CCDC186: variants seen among roughly 807,000 people sequenced by gnomAD.
CCDC186 encodes the protein coiled-coil domain containing 186.
In CCDC186, 49 loss-of-function variants were observed where a neutral mutation model predicts 113.7. The ratio of observed to expected loss-of-function variants is 0.43; its 90% CI spans 0.34 to 0.55. The LOEUF (loss-of-function observed/expected upper bound fraction) is 0.55, where lower values mean the gene tolerates loss of function less well. Ranked by LOEUF, CCDC186 falls within the 20% of genes least tolerant of loss-of-function variation. The probability of loss-of-function intolerance (pLI) is 0.02; values close to 1 mark genes in which losing one functional copy is unlikely to be tolerated. For missense variants in CCDC186, 890 were observed against 1,011.1 expected (o/e 0.88, Z 1.62); for synonymous variants, 355 against 345.8 (o/e 1.03, Z -0.30).
At chr10:114,136,557 A>C (rs189251873) in intron 7 of CCDC186, among the ~76,000 whole-genome samples, 50 of 152,324 alleles carry the variant, frequency 3.3e-4, no homozygotes, top group African/African-American at 1.1e-3. Flanking sequence ...CATTGCAATT[A>C]AGTTTATTAA....
rs1172829537 is a variant in CCDC186, at chr10:114,157,562, T to C, written c.751A>G (p.Ile251Val). The change falls in exon 3 of 16, where the codon ATT becomes GTT. Residue 251 changes from isoleucine (I) to valine (V), a missense_variant. Transcript: ENST00000369287. ...TETEKQHMNTIKQLESRIEEL... is the reference protein window; with the variant it reads ...TETEKQHMNTVKQLESRIEEL... ...ATTTTTGTCTTTTTTACCTGTTTAA[T>C]TGTGTTCATATGCTGCTTCTCAGTT... is the stretch of plus-strand genomic sequence containing the variant. The C allele has an allele frequency of 6.2e-7, 1 of 1,601,690 alleles. No homozygotes were observed. Among genetic ancestry groups the C allele is most frequent in the African/African-American group, 1.4e-5 (1 of 73,854 alleles).
At chr10:114,153,239 G>C (rs1330538619) in intron 3 of CCDC186, among the ~76,000 whole-genome samples, 1 of 152,014 alleles carries the variant, frequency 6.6e-6, no homozygotes, top group Non-Finnish European at 1.5e-5. Flanking sequence ...AAATTTAAAA[G>C]ATTAAAATCA....
chr10:114,155,551 T>C (rs527829060), intron 3 of CCDC186, among the ~76,000 whole-genome samples: 17 of 152,214 alleles, frequency 1.1e-4, no homozygotes, highest in African/African-American at 3.9e-4. Flanking sequence ...GGCGGGCCCC[T>C]GTAATCCCAG....
At chr10:114,160,280 A>AT (rs1228788458) in intron 2 of CCDC186, among the ~76,000 whole-genome samples, 1 of 152,092 alleles carries the variant, frequency 6.6e-6, no homozygotes, top group African/African-American at 2.4e-5. Context: ...AAAAAAAAAA[A>AT]AAAAATTTGG....
chr10:114,166,444 G>T (rs997001651), intron 1 of CCDC186, among the ~76,000 whole-genome samples: 2 of 152,026 alleles, frequency 1.3e-5, no homozygotes, highest in African/African-American at 4.8e-5. Flanking sequence ...AGTCTCTCAG[G>T]GTAAATTTAA....
chr10:114,169,893 A>G (rs148280458), intron 1 of CCDC186, among the ~76,000 whole-genome samples: 121 of 152,278 alleles, frequency 7.9e-4, no homozygotes, highest in African/African-American at 2.7e-3. Flanking sequence ...AAAGCTAGCT[A>G]CCTACTTATT....
At position 114,137,212 on chromosome 10, in the gene CCDC186, A is replaced by T. The variant is rs2031293010; in HGVS notation, c.1300T>A (p.Cys434Ser). ...TGATATGTTTTTATCATATCCTGAC[A>T]GTTTTTTCGTATCTGATCTGCTTCT... is the stretch of plus-strand genomic sequence containing the variant. ...KEEADQIRKN[C>S]QDMIKTYQES... Residue 434 changes from cysteine (C) to serine (S), a missense_variant, in exon 7 of 16, where the codon TGT (cysteine) becomes AGT (serine). Cys to Ser is a moderately radical substitution (Grantham distance 112). Transcript: ENST00000369287. The T allele has an allele frequency of 8.7e-6, 14 of 1,613,268 alleles. No individual in the cohort carries two copies. The highest frequency in any genetic ancestry group is 1.3e-5 in the African/African-American group (1 of 75,036).
At position 114,127,573 on chromosome 10, in the gene CCDC186, A is replaced by G; in HGVS notation, c.2281T>C (p.Leu761=). 1.9e-6 allele frequency: 3 copies of G among 1,614,020 alleles called. No individual in the cohort carries two copies. The highest frequency in any genetic ancestry group is 4.5e-5 in the East Asian group (2 of 44,870). ...DNFPQVDKAM[L]IERIVRLQKA... is the part of the protein sequence containing the mutation. The stretch of plus-strand genomic sequence containing the variant: ...TGCAGCCTAACTATTCTCTCAATCA[A>G]CATGGCCTTATCTACTTGTGGAAAG... The change falls in exon 14 of 16, where the codon TTG becomes CTG. Residue 761 remains leucine, a synonymous_variant. Transcript: ENST00000369287.
Position 114,136,249 on chromosome 10 carries a change from A to G in CCDC186, c.1327-3T>C, listed in dbSNP as rs779246444. 1 of 1,605,534 alleles carries G rather than the reference A, an allele frequency of 6.2e-7. No homozygotes were observed. Among genetic ancestry groups the G allele is most frequent in the Non-Finnish European group, 8.5e-7 (1 of 1,176,848 alleles). On this transcript the variant is annotated splice_polypyrimidine_tract_variant and splice_region_variant and intron_variant, in intron 7 of 15. Coordinates refer to ENST00000369287, the MANE Select transcript of CCDC186 (RefSeq NM_018017.4). ...TTTGATTTAATTTCTTCTGACTCCT[A>G]GTGGAAAGAAAACAAAAAAAGTGTG...
rs562640176 is a variant in CCDC186 at position 114,174,194 on chromosome 10, C to T, written c.-241G>A. ...CCAAACCCCTGCGGAGCTGACACAT[C>T]AACAAAGATGGCGGCGACACTGAAG... On this transcript the variant is annotated 5_prime_UTR_variant, in exon 1 of 16. Coordinates refer to ENST00000369287, the MANE Select transcript of CCDC186 (RefSeq NM_018017.4). The T allele has an allele frequency of 4.8e-5, 21 of 439,204 alleles. No homozygotes were observed. The highest frequency in any genetic ancestry group is 3.5e-4 in the African/African-American group (17 of 49,174). 27.2% of individuals were successfully genotyped at this position (439,204 alleles called of 1,614,324 possible).
At chr10:114,127,104 A>G (rs11594867) in intron 14 of CCDC186, among the ~76,000 whole-genome samples, 37,662 of 152,076 alleles carry the variant, frequency 0.25, 5,010 homozygotes, top group African/African-American at 0.33. Context: ...ATCCCACTAC[A>G]TCCTACCCAA....
chr10:114,132,529 T>C (rs546991251), intron 10 of CCDC186, among the ~76,000 whole-genome samples: 3 of 152,304 alleles, frequency 2.0e-5, no homozygotes, highest in East Asian at 3.9e-4. Flanking sequence ...CTGTAAAAGA[T>C]CAGATAGTAA....
intron 2 of CCDC186, chr10:114,162,128 C>T (rs1333751815): frequency 1.3e-5 from 2 of 152,388 alleles, no homozygotes; most frequent in African/African-American, 4.8e-5. Context: ...AATAACACTA[C>T]TGAAACGTAC....
intron 4 of CCDC186, among the ~76,000 whole-genome samples, chr10:114,148,534 G>A (rs531617131): frequency 6.6e-6 from 1 of 152,264 alleles, no homozygotes; most frequent in Admixed American, 6.5e-5. Flanking sequence ...AGTATATGAA[G>A]TGTAGCTTCT....
intron 3 of CCDC186, among the ~76,000 whole-genome samples, chr10:114,153,773 C>T (rs1237308201): frequency 3.3e-4 from 42 of 128,230 alleles, no homozygotes; most frequent in African/African-American, 1.0e-3. Context: ...GTGACAAGAG[C>T]GAAATGACGT....
In CCDC186 at chr10:114,122,552, AT is replaced by A. The variant is rs1333107374; in HGVS notation, c.*2590del. The A allele has an allele frequency of 6.6e-6, 1 of 152,200 alleles. No individual in the cohort carries two copies. The highest frequency in any genetic ancestry group is 1.5e-5 in the Non-Finnish European group (1 of 68,038). The allele number at this position is 152,200 out of a possible 1,614,324, so 9.4% of individuals were successfully genotyped here. On this transcript the variant is annotated 3_prime_UTR_variant, in exon 16 of 16. Coordinates refer to ENST00000369287, the MANE Select transcript of CCDC186 (RefSeq NM_018017.4). Reference sequence around the variant, plus strand: ...TTGATACATAACCAAAACAGCCTTGATATGTAACAACCAATAATGAACATAT... The same window carrying A: ...TTGATACATAACCAAAACAGCCTTGAATGTAACAACCAATAATGAACATAT...
chr10:114,149,786 C>A (rs34315335), intron 4 of CCDC186, among the ~76,000 whole-genome samples: 158 of 47,990 alleles, frequency 3.3e-3, no homozygotes, highest in Middle Eastern at 0.01. Context: ...GGCAGGAAGG[C>A]AGGAAGGAAG....
chr10:114,168,636 C>T (rs1250963343), intron 1 of CCDC186, among the ~76,000 whole-genome samples: 1 of 152,128 alleles, frequency 6.6e-6, no homozygotes, highest in Non-Finnish European at 1.5e-5. Context: ...ATGAGTCATC[C>T]CCGACCCAAC....
rs2031206356 is a variant in CCDC186 at position 114,134,928 on chromosome 10, T to C, written c.1640A>G (p.Gln547Arg). ...CATTTTGTACCTTTGAAGCTGCTCCTGTAGCTGATCTGCAGTTTTCACCTT... is the reference window on the plus strand; with the variant it reads ...CATTTTGTACCTTTGAAGCTGCTCCCGTAGCTGATCTGCAGTTTTCACCTT... ...LDKVKTADQL[Q>R]EQLQRGKQEI... The change falls in exon 10 of 16, where the codon CAG becomes CGG. Residue 547 changes from glutamine (Q) to arginine (R), a missense_variant. Gln to Arg is a conservative substitution (Grantham distance 43, BLOSUM62 1). Transcript: ENST00000369287. 2 of 1,611,168 alleles carry C rather than the reference T, an allele frequency of 1.2e-6. No homozygotes were observed. Among genetic ancestry groups the C allele is most frequent in the South Asian group, 1.1e-5 (1 of 90,316 alleles).
Sources: gnomAD v4.1 joint callset for allele counts (sites outside exome capture counted in the v4.1 genomes callset) on GRCh38, gnomAD v4.1.1 for gene constraint, MANE v1.5 for transcripts, NCBI Gene and HGNC (gene_info 2026-07-23, HGNC 2026-07-21) for gene names.